Variants in TMC5 observed in about 807,000 individuals in gnomAD.
TMC5 encodes the protein transmembrane channel like 5, also known as transmembrane channel-like protein 5.
In TMC5, 86 loss-of-function variants were observed where a neutral mutation model predicts 110.5. The ratio of observed to expected loss-of-function variants is 0.78; its 90% CI spans 0.65 to 0.93. TMC5 has a LOEUF of 0.93. TMC5 is among the 40% of genes least tolerant of loss of function. TMC5 has a pLI of 0.00. For synonymous variants in TMC5, 455 were observed against 439.5 expected (o/e 1.04, Z -0.44); for missense variants, 1,144 against 1,222.8 (o/e 0.94, Z 0.96).
At chr16:19,493,976 T>C (rs1968984643) in intron 19 of TMC5, among the ~76,000 whole-genome samples, 2 of 152,188 alleles carry the variant, frequency 1.3e-5, no homozygotes, top group Non-Finnish European at 2.9e-5. Flanking sequence ...AGACGTGGCA[T>C]GTAAGTTGCT....
At chr16:19,425,238 G>C (rs1037800873) in intron 1 of TMC5, among the ~76,000 whole-genome samples, 1 of 151,958 alleles carries the variant, frequency 6.6e-6, no homozygotes, top group African/African-American at 2.4e-5. Context: ...GTGTGCATTA[G>C]AGAAGTTGAC....
At chr16:19,468,482 C>T (rs554598993) in intron 9 of TMC5, among the ~76,000 whole-genome samples, 40 of 152,118 alleles carry the variant, frequency 2.6e-4, no homozygotes, top group African/African-American at 9.7e-4. Context: ...CCCGACCCCC[C>T]CCAGAGAAGT....
chr16:19,489,816 T>C (rs556367795), intron 17 of TMC5, among the ~76,000 whole-genome samples: 1 of 151,180 alleles, frequency 6.6e-6, no homozygotes, highest in East Asian at 2.0e-4. Context: ...TCAGACAGGG[T>C]CTTGCTCTGT....
At chr16:19,436,078 A>G (rs1844395804) in intron 2 of TMC5, among the ~76,000 whole-genome samples, 1 of 151,968 alleles carries the variant, frequency 6.6e-6, no homozygotes, top group South Asian at 2.1e-4. Context: ...TCTGGCCAAC[A>G]TGAGGAAACC....
chr16:19,441,287 C>CT (rs1160876551), intron 3 of TMC5, among the ~76,000 whole-genome samples: 3 of 132,280 alleles, frequency 2.3e-5, no homozygotes, highest in Admixed American at 7.5e-5. Flanking sequence ...TGCACCACTT[C>CT]TTTGTTTTTT....
intron 1 of TMC5, among the ~76,000 whole-genome samples, chr16:19,428,649 CTCTT>C (rs1967134684): frequency 6.6e-6 from 1 of 152,150 alleles, no homozygotes; most frequent in African/African-American, 2.4e-5. Flanking sequence ...TAGCTTCTGA[CTCTT>C]TCTCACTCAT....
At chr16:19,481,817 G>A (rs530926431) in intron 15 of TMC5, among the ~76,000 whole-genome samples, 10 of 152,272 alleles carry the variant, frequency 6.6e-5, no homozygotes, top group African/African-American at 2.4e-4. Flanking sequence ...TACTTCCAAT[G>A]TGATGGAGGT....
chr16:19,463,852 T>C lies in TMC5; in HGVS notation c.1313T>C (p.Ile438Thr), dbSNP rs377526217. ...CTGTGGCAGAAGACGCTGAAGATCA[T>C]TGGAGGCAAGTTTGGAACCAGCGTC... ...ISLWQKTLKI[I>T]GGKFGTSVLS... The change falls in exon 8 of 22, where the codon ATT (isoleucine) becomes ACT (threonine). Residue 438 changes from isoleucine to threonine, a missense_variant. Physicochemically the swap from Ile to Thr is moderately conservative, Grantham distance 89. Coordinates refer to ENST00000542583, the MANE Select transcript of TMC5 (RefSeq NM_001261841.2). 8.2e-5 allele frequency: 132 copies of C among 1,614,134 alleles called. 2 individuals carry two copies. The highest frequency in any genetic ancestry group is 5.0e-4 in the Admixed American group (30 of 60,008).
At chr16:19,411,891 T>G (rs550322556) in intron 1 of TMC5, among the ~76,000 whole-genome samples, 1 of 152,260 alleles carries the variant, frequency 6.6e-6, no homozygotes, top group African/African-American at 2.4e-5. Flanking sequence ...TTCAAAGAGG[T>G]TGAATAAGTC....
At chr16:19,456,475 C>A in intron 5 of TMC5, 1 of 1,223,182 alleles carries the variant, frequency 8.2e-7, no homozygotes, top group Middle Eastern at 3.3e-4. Context: ...GGAAAACACT[C>A]CTTCTCCTGA....
chr16:19,411,131 T>C (rs1966854902), exon 1 of TMC5: 1 of 152,254 alleles, frequency 6.6e-6, no homozygotes, highest in Non-Finnish European at 1.5e-5. Context: ...AAGAAAAGAA[T>C]AATCGCACCC....
Position 19,444,195 on chromosome 16 carries a change from G to A in TMC5, c.903G>A (p.Met301Ile), listed in dbSNP as rs1336870038. ...CTGAAGGCATTGAAATGGCATCCAT[G>A]GAGATGGCAAACTCATATGGCCACT... Reference protein sequence around the residue: ...DYPEGIEMASMEMANSYGHSL... With the variant: ...DYPEGIEMASIEMANSYGHSL... Residue 301 changes from methionine to isoleucine, a missense_variant, in exon 4 of 22, where the codon ATG becomes ATA. Transcript: ENST00000542583. 1 of 1,613,926 alleles carries A rather than the reference G, an allele frequency of 6.2e-7. No individual in the cohort carries two copies. Among genetic ancestry groups the A allele is most frequent in the African/African-American group, 1.3e-5 (1 of 74,914 alleles).
chr16:19,480,170 C>T (rs991668099), intron 14 of TMC5, among the ~76,000 whole-genome samples: 2 of 152,120 alleles, frequency 1.3e-5, no homozygotes, highest in Non-Finnish European at 2.9e-5. Context: ...GTCACTATGC[C>T]TTGACATCTT....
At chr16:19,489,524 C>T (rs1486238237) in intron 17 of TMC5, among the ~76,000 whole-genome samples, 2 of 152,004 alleles carry the variant, frequency 1.3e-5, no homozygotes, top group Non-Finnish European at 2.9e-5. Context: ...TTAGTAGAGA[C>T]AGGGTTTCAC....
At chr16:19,467,151 AAG>A (rs538785888) in intron 9 of TMC5, among the ~76,000 whole-genome samples, 5 of 151,998 alleles carry the variant, frequency 3.3e-5, no homozygotes, top group Admixed American at 6.6e-5. Context: ...TCAAAAAAAA[AAG>A]AGAGAGAAAG....
chr16:19,438,249 G>C (rs755525897), intron 2 of TMC5, among the ~76,000 whole-genome samples: 4 of 151,380 alleles, frequency 2.6e-5, no homozygotes, highest in Admixed American at 2.6e-4. Context: ...GAAAAAATTA[G>C]GACCACAAGA....
At chr16:19,477,323 C>T in intron 12 of TMC5, 117 bp from the exon 13 acceptor site, 4 of 752,362 alleles carry the variant, frequency 5.3e-6, no homozygotes, top group East Asian at 5.1e-5. Flanking sequence ...CATGTGCCCC[C>T]CTCCAACCAC....
At chr16:19,496,623 G>A (rs1031837580) in intron 20 of TMC5, among the ~76,000 whole-genome samples, 5 of 151,882 alleles carry the variant, frequency 3.3e-5, no homozygotes, top group East Asian at 1.9e-4. Context: ...GGTGGCTCAC[G>A]CCTGTAATCC....
At chr16:19,480,834 AT>A (rs1168026117) in intron 14 of TMC5, among the ~76,000 whole-genome samples, 2 of 147,948 alleles carry the variant, frequency 1.4e-5, no homozygotes, top group Non-Finnish European at 3.0e-5. Flanking sequence ...AAGTGAAAAG[AT>A]TTTTTTTTGA....
Sources: gnomAD v4.1 joint callset for allele counts (sites outside exome capture counted in the v4.1 genomes callset) on GRCh38, gnomAD v4.1.1 for gene constraint, MANE v1.5 for transcripts, NCBI Gene and HGNC (gene_info 2026-07-23, HGNC 2026-07-21) for gene names.